Variants in HPSE2 observed in about 807,000 individuals in gnomAD.
The protein encoded by HPSE2 is heparanase 2 (inactive), also known as inactive heparanase-2.
HPSE2 carries 38 observed loss-of-function variants against 60.5 expected under a neutral mutation model. The ratio of observed to expected loss-of-function variants is 0.63; its 90% CI spans 0.48 to 0.82. The LOEUF (loss-of-function observed/expected upper bound fraction) is 0.82, where lower values mean the gene tolerates loss of function less well. HPSE2 is among the 40% of genes least tolerant of loss of function. The pLI, the probability that HPSE2 is intolerant of heterozygous loss-of-function variation, is 0.00. For missense variants in HPSE2, 713 were observed against 740.4 expected (o/e 0.96, Z 0.43); for synonymous variants, 295 against 293.2 (o/e 1.01, Z -0.06).
chr10:98,659,534 T>C (rs1589591530), intron 6 of HPSE2, among the ~76,000 whole-genome samples: 1 of 152,242 alleles, frequency 6.6e-6, no homozygotes, highest in African/African-American at 2.4e-5. Context: ...CATTCGATGG[T>C]ATTGATATAT....
chr10:98,949,062 C>T (rs1469617263), intron 3 of HPSE2, among the ~76,000 whole-genome samples: 1 of 152,052 alleles, frequency 6.6e-6, no homozygotes, highest in African/African-American at 2.4e-5. Context: ...TTGGTGCCCC[C>T]TCAACTCCCG....
At chr10:99,302,491 GA>G in the HPSE2 span, among the ~76,000 whole-genome samples, 2 of 152,088 alleles carry the variant, frequency 1.3e-5, no homozygotes, top group Admixed American at 6.6e-5. Context: ...CACAGCTAAA[GA>G]ACACCAGTAT....
chr10:99,036,799 T>C (rs903775114), intron 3 of HPSE2, among the ~76,000 whole-genome samples: 21 of 152,184 alleles, frequency 1.4e-4, no homozygotes, highest in African/African-American at 3.1e-4. Flanking sequence ...TTTTAACATA[T>C]GTCCAGAAAT....
intron 11 of HPSE2, among the ~76,000 whole-genome samples, chr10:98,472,761 G>A (rs1940831652): frequency 6.6e-6 from 1 of 152,144 alleles, no homozygotes; most frequent in African/African-American, 2.4e-5. Flanking sequence ...TAAGTAGAAT[G>A]GAAGAAAGGT....
intron 9 of HPSE2, among the ~76,000 whole-genome samples, chr10:98,509,408 G>T (rs557213117): frequency 6.6e-6 from 1 of 152,212 alleles, no homozygotes; most frequent in Admixed American, 6.5e-5. Flanking sequence ...TAACTTAGAA[G>T]AGAGGTTTGG....
intron 3 of HPSE2, among the ~76,000 whole-genome samples, chr10:99,030,076 C>T (rs547493554): frequency 1.3e-5 from 2 of 152,204 alleles, no homozygotes; most frequent in African/African-American, 2.4e-5. Flanking sequence ...ACTGCATCCC[C>T]TCAGCTCCTA....
At chr10:98,879,852 C>CGTGT (rs3043546) in intron 3 of HPSE2, among the ~76,000 whole-genome samples, 64,284 of 145,562 alleles carry the variant, frequency 0.44, 14,228 homozygotes, top group African/African-American at 0.49. Flanking sequence ...TGTGCATGTG[C>CGTGT]GTGTGTGTGT....
At chr10:98,658,180 C>T (rs929981577) in intron 6 of HPSE2, among the ~76,000 whole-genome samples, 41 of 152,144 alleles carry the variant, frequency 2.7e-4, no homozygotes, top group Admixed American at 1.5e-3. Context: ...TCGCCATGCC[C>T]GGGGTACACA....
chr10:98,671,708 G>A (rs760791573), intron 6 of HPSE2, among the ~76,000 whole-genome samples: 19 of 152,170 alleles, frequency 1.2e-4, no homozygotes, highest in Non-Finnish European at 2.2e-4. Flanking sequence ...ATTCCAATTC[G>A]ATAGTTCCTA....
chr10:99,195,846 T>TAAA (rs35111021), intron 2 of HPSE2, among the ~76,000 whole-genome samples: 72 of 149,440 alleles, frequency 4.8e-4, no homozygotes, highest in East Asian at 1.4e-3. Context: ...TTCACCAAAA[T>TAAA]AAAAAAAAAA....
chr10:98,879,442 A>G (rs1253640101), intron 3 of HPSE2, among the ~76,000 whole-genome samples: 4 of 152,072 alleles, frequency 2.6e-5, no homozygotes, highest in Admixed American at 2.0e-4. Context: ...TCAACAGAGA[A>G]ACCAGAAAAC....
At chr10:99,062,091 A>G (rs1307440356) in intron 3 of HPSE2, among the ~76,000 whole-genome samples, 1 of 152,148 alleles carries the variant, frequency 6.6e-6, no homozygotes, top group East Asian at 1.9e-4. Context: ...CTGGCCAGTA[A>G]CTCATACTGC....
chr10:99,291,508 C>CAGGAGGTGGATTGCAGTGGAGGTGCAGTG, the HPSE2 span, among the ~76,000 whole-genome samples: 1 of 150,232 alleles, frequency 6.7e-6, no homozygotes, highest in African/African-American at 2.5e-5. Context: ...CACTTGAATC[C>CAGGAGGTGGATTGCAGTGGAGGTGCAGTG]AGGAGGTGGA....
At chr10:98,611,433 C>T (rs922346412) in intron 9 of HPSE2, among the ~76,000 whole-genome samples, 1 of 152,174 alleles carries the variant, frequency 6.6e-6, no homozygotes, top group Non-Finnish European at 1.5e-5. Context: ...AGGATGTTCA[C>T]TTTTCTCAAT....
At chr10:98,913,001 T>C (rs1954022368) in intron 3 of HPSE2, among the ~76,000 whole-genome samples, 2 of 152,200 alleles carry the variant, frequency 1.3e-5, no homozygotes, top group African/African-American at 4.8e-5. Flanking sequence ...CATTATGTGA[T>C]TATTACGCAT....
chr10:98,462,723 T>C (rs950653298), intron 11 of HPSE2, among the ~76,000 whole-genome samples: 31 of 152,304 alleles, frequency 2.0e-4, no homozygotes, highest in African/African-American at 5.8e-4. Flanking sequence ...CTAGGGTTCC[T>C]AGTGTTTTGT....
At chr10:98,904,887 G>A (rs1953766044) in intron 3 of HPSE2, among the ~76,000 whole-genome samples, 3 of 152,292 alleles carry the variant, frequency 2.0e-5, no homozygotes, top group African/African-American at 7.2e-5. Context: ...GACATACTCA[G>A]TGTAATATAC....
At chr10:99,207,888 T>C (rs1032966258) in intron 2 of HPSE2, among the ~76,000 whole-genome samples, 3 of 151,686 alleles carry the variant, frequency 2.0e-5, no homozygotes, top group Non-Finnish European at 2.9e-5. Flanking sequence ...CCATATAATA[T>C]ATATAATGTT....
At chr10:98,581,982 G>A (rs887610013) in intron 9 of HPSE2, among the ~76,000 whole-genome samples, 2 of 149,780 alleles carry the variant, frequency 1.3e-5, no homozygotes, top group African/African-American at 4.9e-5. Flanking sequence ...TGTTCCTTGT[G>A]AGAATGAATT....
Sources: allele counts gnomAD v4.1 joint callset (sites outside exome capture counted in the v4.1 genomes callset), GRCh38; gene constraint gnomAD v4.1.1; transcripts MANE v1.5; gene names NCBI Gene and HGNC (gene_info 2026-07-23, HGNC 2026-07-21).